The following ELAVL1 variants were observed in gnomAD, a reference collection of about 807,000 sequenced individuals.
ELAVL1 encodes the protein ELAV like RNA binding protein 1.
Under a neutral mutation model 28.4 loss-of-function variants are expected in ELAVL1, and 1 was observed. The observed-to-expected ratio is 0.04, with a 90% confidence interval of 0.01 to 0.17. The LOEUF (loss-of-function observed/expected upper bound fraction) is 0.17. Ranked by LOEUF, ELAVL1 falls within the 10% of genes least tolerant of loss-of-function variation. The pLI is 1.00. For missense variants in ELAVL1, 157 were observed against 447.2 expected (o/e 0.35, Z 5.85); for synonymous variants, 174 against 183.5 (o/e 0.95, Z 0.42).
At chr19:7,994,263 T>C (rs921960025) in intron 1 of ELAVL1, among the ~76,000 whole-genome samples, 2 of 151,742 alleles carry the variant, frequency 1.3e-5, no homozygotes, top group Non-Finnish European at 2.9e-5. Context: ...TCTGGAGACA[T>C]TTTTGGTTAC....
chr19:7,964,888 T>C (rs1345870902), intron 5 of ELAVL1, among the ~76,000 whole-genome samples: 2 of 152,208 alleles, frequency 1.3e-5, no homozygotes, highest in African/African-American at 4.8e-5. Context: ...AGCCGGCATC[T>C]GTGAAGCTGC....
intron 1 of ELAVL1, 99 bp from the exon 2 acceptor site, chr19:7,991,930 TTC>T: frequency 1.8e-5 from 18 of 1,003,870 alleles, no homozygotes; most frequent in Middle Eastern, 2.7e-4. Flanking sequence ...TTTTCTTTCT[TTC>T]TTTTTTTTTT....
chr19:7,995,830 C>T (rs896555887), intron 1 of ELAVL1, among the ~76,000 whole-genome samples: 1 of 150,246 alleles, frequency 6.7e-6, no homozygotes, highest in African/African-American at 2.4e-5. Context: ...AAATTTGAAA[C>T]TTTTGCTCTG....
chr19:7,980,667 C>G (rs2145212648), intron 3 of ELAVL1, among the ~76,000 whole-genome samples: 1 of 152,302 alleles, frequency 6.6e-6, no homozygotes, highest in South Asian at 2.1e-4. Context: ...GCACCCCCGA[C>G]CCACGGGGGC....
chr19:7,978,328 G>A (rs1985358394), intron 3 of ELAVL1, among the ~76,000 whole-genome samples: 1 of 152,224 alleles, frequency 6.6e-6, no homozygotes, highest in Non-Finnish European at 1.5e-5. Flanking sequence ...CCAAGCATGT[G>A]ACTAGACGGC....
chr19:7,964,577 G>A (rs765572722), intron 5 of ELAVL1, among the ~76,000 whole-genome samples: 7 of 152,032 alleles, frequency 4.6e-5, no homozygotes, highest in Non-Finnish European at 7.4e-5. Context: ...GCTCAAGCAC[G>A]GAATCCCAGG....
Position 7,963,850 on chromosome 19 carries a change from C to A in ELAVL1, c.657-43G>T, listed in dbSNP as rs375548460. The A allele has an allele frequency of 1.3e-6, 2 of 1,585,328 alleles. No homozygotes were observed. Among genetic ancestry groups the A allele is most frequent in the South Asian group, 1.1e-5 (1 of 87,470 alleles). On this transcript the variant is annotated intron_variant, in intron 5 of 5. Coordinates refer to ENST00000407627, the MANE Select transcript of ELAVL1 (RefSeq NM_001419.3). This position sits in a 1 kb window ranked among gnomAD's most constrained non-coding sequence, Gnocchi z 4.5. ...AGCGTCAGGCCACGGTCAGCGCAGGCGGCCTGGGGATGGGGCAAGGCCTGG... is the reference window on the plus strand; with the variant it reads ...AGCGTCAGGCCACGGTCAGCGCAGGAGGCCTGGGGATGGGGCAAGGCCTGG...
At position 7,963,113 on chromosome 19, in the gene ELAVL1, T is replaced by C. The variant is rs1984858402; in HGVS notation, c.*370A>G. The stretch of plus-strand genomic sequence containing the variant: ...ATTAAAAACTAAAACTAAAAGGTGA[T>C]TTTTTTGCTACCCAGTCTGTGGAGA... On this transcript the variant is annotated 3_prime_UTR_variant, in exon 6 of 6. Transcript: ENST00000407627. The surrounding 1 kb of genome is among the most constrained non-coding windows in gnomAD (Gnocchi z 4.5). 5.5e-6 allele frequency: 1 copy of C among 182,490 alleles called. No individual in the cohort carries two copies. The highest frequency in any genetic ancestry group is 1.1e-5 in the Non-Finnish European group (1 of 87,138). 11.3% of individuals were successfully genotyped at this position (182,490 alleles called of 1,614,324 possible).
chr19:7,981,505 G>A lies in ELAVL1; in HGVS notation c.173-319C>T, dbSNP rs1280571185. 3.3e-5 allele frequency among the ~76,000 whole-genome samples: 5 copies of A among 151,834 alleles called. No homozygotes were observed. Among genetic ancestry groups the A allele is most frequent in the Admixed American group, 1.3e-4 (2 of 15,248 alleles). Reference sequence around the variant, plus strand: ...CCAGAGTATCTGGGACTACAGGCCCGCTCCAGCAGGCCCAAGCTAATTGTT... The same window carrying A: ...CCAGAGTATCTGGGACTACAGGCCCACTCCAGCAGGCCCAAGCTAATTGTT... On this transcript the variant is annotated intron_variant, in intron 2 of 5. Transcript: ENST00000407627. The surrounding 1 kb of genome is among the most constrained non-coding windows in gnomAD (Gnocchi z 4.2).
chr19:7,976,652 C>T (rs1985301694), intron 3 of ELAVL1, among the ~76,000 whole-genome samples: 1 of 152,072 alleles, frequency 6.6e-6, no homozygotes, highest in East Asian at 1.9e-4. Flanking sequence ...CTCGGGCTTC[C>T]AGCCTCCAGA....
Position 8,003,355 on chromosome 19 carries a change from CAAAAAA to C in ELAVL1, c.-17+2134_-17+2139del, listed in dbSNP as rs71165248. On this transcript the variant is annotated intron_variant, in intron 1 of 5. Transcript: ENST00000407627. ...CTGGGCAACAAGGGTGAAACTGTCT[CAAAAAA>C]AAAAAAAAAAAAAGAAAAAGAAAAA... 9.3e-3 allele frequency among the ~76,000 whole-genome samples: 569 copies of C among 61,096 alleles called. 4 individuals carry two copies. The highest frequency in any genetic ancestry group is 0.032 in the African/African-American group (447 of 13,880). 40.1% of individuals were successfully genotyped at this position (61,096 alleles called of 152,430 possible).
Position 7,981,047 on chromosome 19 carries a change from G to A in ELAVL1, c.276+36C>T. 6.2e-7 allele frequency: 1 copy of A among 1,601,730 alleles called. No homozygotes were observed. Among genetic ancestry groups the A allele is most frequent in the Non-Finnish European group, 8.6e-7 (1 of 1,169,166 alleles). Reference sequence around the variant, plus strand: ...GGCTCAGCACAGACCTGTGCCCAGGGCAGGAATGGATGCGGTGGTGATCAG... The same window carrying A: ...GGCTCAGCACAGACCTGTGCCCAGGACAGGAATGGATGCGGTGGTGATCAG... On this transcript the variant is annotated intron_variant, in intron 3 of 5. Coordinates refer to ENST00000407627, the MANE Select transcript of ELAVL1 (RefSeq NM_001419.3). The surrounding 1 kb of genome is among the most constrained non-coding windows in gnomAD (Gnocchi z 4.2).
intron 2 of ELAVL1, among the ~76,000 whole-genome samples, chr19:7,990,098 T>C (rs544933248): frequency 6.6e-5 from 10 of 152,276 alleles, no homozygotes; most frequent in African/African-American, 2.2e-4. Flanking sequence ...TCTCAGCTCA[T>C]TGCAACCTCC....
intron 1 of ELAVL1, among the ~76,000 whole-genome samples, chr19:8,004,442 G>A (rs946595990): frequency 6.6e-6 from 1 of 152,042 alleles, no homozygotes; most frequent in Non-Finnish European, 1.5e-5. Flanking sequence ...CCCGCAACCC[G>A]AGCCATCTGG....
At chr19:7,978,540 G>A (rs987231763) in intron 3 of ELAVL1, among the ~76,000 whole-genome samples, 17 of 152,210 alleles carry the variant, frequency 1.1e-4, no homozygotes, top group Non-Finnish European at 2.5e-4. Context: ...CTAGGCACCT[G>A]ATCCCACCAG....
intron 3 of ELAVL1, among the ~76,000 whole-genome samples, chr19:7,978,935 T>A (rs1291015232): frequency 6.6e-6 from 1 of 152,172 alleles, no homozygotes; most frequent in African/African-American, 2.4e-5. Flanking sequence ...ATCCAGGCCC[T>A]TATCACACTG....
chr19:7,968,214 A>G (rs1431620810), intron 4 of ELAVL1, among the ~76,000 whole-genome samples: 1 of 151,656 alleles, frequency 6.6e-6, no homozygotes, highest in African/African-American at 2.4e-5. Context: ...ACTGCGTCTG[A>G]GAGATCCTCC....
At chr19:7,985,591 G>A (rs1467563272) in intron 2 of ELAVL1, among the ~76,000 whole-genome samples, 1 of 152,218 alleles carries the variant, frequency 6.6e-6, no homozygotes, top group African/African-American at 2.4e-5. Context: ...GGGAGCAGGA[G>A]GACAGGGAGC....
chr19:7,979,788 G>A lies in ELAVL1; in HGVS notation c.276+1295C>T, dbSNP rs1985404195. ...TGCGGCATGGGGCAGGTCTGGGAGA[G>A]CTGCTGCTGAGCCAGGGTTTGGCCA... On this transcript the variant is annotated intron_variant, in intron 3 of 5. Coordinates refer to ENST00000407627, the MANE Select transcript of ELAVL1 (RefSeq NM_001419.3). This position sits in a 1 kb window ranked among gnomAD's most constrained non-coding sequence, Gnocchi z 5.4. Among the ~76,000 whole-genome samples the A allele has an allele frequency of 6.6e-6, 1 of 152,224 alleles. No individual in the cohort carries two copies. The highest frequency in any genetic ancestry group is 1.5e-5 in the Non-Finnish European group (1 of 68,042).
Sources: gnomAD v4.1 joint callset for allele counts (sites outside exome capture counted in the v4.1 genomes callset) on GRCh38, gnomAD v4.1.1 for gene constraint, Gnocchi (gnomAD v3.1) non-coding constraint, MANE v1.5 for transcripts, NCBI Gene and HGNC (gene_info 2026-07-23, HGNC 2026-07-21) for gene names.